The following ASTN2 variants were observed in gnomAD, a reference collection of about 807,000 sequenced individuals.
The protein encoded by ASTN2 is astrotactin 2.
Under a neutral mutation model 139.8 loss-of-function variants are expected in ASTN2, and 54 were observed. That is an observed-to-expected ratio of 0.39 (90% confidence interval 0.31 to 0.48). The LOEUF (loss-of-function observed/expected upper bound fraction) is 0.48. Ranked by LOEUF, ASTN2 falls within the 20% of genes least tolerant of loss-of-function variation. The probability of loss-of-function intolerance (pLI) is 0.95; values close to 1 mark genes in which losing one functional copy is unlikely to be tolerated. For synonymous variants in ASTN2, 756 were observed against 719.5 expected (o/e 1.05, Z -0.81); for missense variants, 1,565 against 1,725.1 (o/e 0.91, Z 1.64).
chr9:116,799,081 C>CG (rs906625118), intron 13 of ASTN2, among the ~76,000 whole-genome samples: 1 of 95,598 alleles, frequency 1.0e-5, no homozygotes, highest in African/African-American at 4.3e-5. Context: ...ATTAAAGGGG[C>CG]GGGGGGAGGG....
intron 1 of ASTN2, among the ~76,000 whole-genome samples, chr9:117,384,037 C>T (rs765996281): frequency 7.9e-5 from 12 of 152,330 alleles, no homozygotes; most frequent in Non-Finnish European, 1.6e-4. Context: ...ATCTTCATCT[C>T]GGCTCCTGGG....
chr9:116,891,956 T>A lies in ASTN2; in HGVS notation c.1890-28223A>T, dbSNP rs565162914. Among the ~76,000 whole-genome samples the A allele has an allele frequency of 2.0e-5, 3 of 152,320 alleles. No homozygotes were observed. The East Asian group carries it at 5.8e-4, about 29-fold the overall frequency. The stretch of plus-strand genomic sequence containing the variant: ...CTATTACCTACTATAACTGCTAAGA[T>A]GGAAAACCCTGTAGTGTTTAGCATA... On this transcript the variant is annotated intron_variant, in intron 10 of 22. Coordinates refer to ENST00000313400, the MANE Select transcript of ASTN2 (RefSeq NM_001365068.1).
At position 116,912,170 on chromosome 9, in the gene ASTN2, G is replaced by A. The variant is rs561672174; in HGVS notation, c.1890-48437C>T. On this transcript the variant is annotated intron_variant, in intron 10 of 22. Coordinates refer to ENST00000313400, the MANE Select transcript of ASTN2 (RefSeq NM_001365068.1). The stretch of plus-strand genomic sequence containing the variant: ...ACATGTGTCCTCCAGCTGCAAGGCA[G>A]CCTGGCACAGTGGAGAGAGATTGCT... 3.3e-5 allele frequency among the ~76,000 whole-genome samples: 5 copies of A among 152,368 alleles called. No homozygotes were observed. In the South Asian group the frequency reaches 1.0e-3, roughly 32 times the overall value.
At chr9:116,661,253 T>C (rs1347451437) in intron 16 of ASTN2, among the ~76,000 whole-genome samples, 2 of 152,168 alleles carry the variant, frequency 1.3e-5, no homozygotes, top group Admixed American at 6.6e-5. Context: ...CCTGCTGCCC[T>C]CTAGTGCCTA....
At chr9:116,475,389 C>G (rs1462651621) in intron 20 of ASTN2, among the ~76,000 whole-genome samples, 1 of 152,176 alleles carries the variant, frequency 6.6e-6, no homozygotes, top group African/African-American at 2.4e-5. Flanking sequence ...TGCCTCATCC[C>G]TAACAGCTCC....
intron 20 of ASTN2, among the ~76,000 whole-genome samples, chr9:116,467,533 C>T (rs994018008): frequency 1.4e-4 from 22 of 152,318 alleles, no homozygotes; most frequent in Non-Finnish European, 1.9e-4. Context: ...CCAAAGTGCT[C>T]GGATTACAGG....
chr9:116,707,285 C>CAAAAAA (rs766053427), intron 16 of ASTN2, among the ~76,000 whole-genome samples: 66 of 60,612 alleles, frequency 1.1e-3, no homozygotes, highest in African/African-American at 3.6e-3. Flanking sequence ...GCCCCCTGAC[C>CAAAAAA]AAAAAAAAAA....
chr9:116,730,915 A>T (rs1441744), intron 14 of ASTN2, among the ~76,000 whole-genome samples: 41 of 152,156 alleles, frequency 2.7e-4, no homozygotes, highest in African/African-American at 9.6e-4. Flanking sequence ...AGCTTCTCCA[A>T]TGGAATGGAT....
intron 4 of ASTN2, among the ~76,000 whole-genome samples, chr9:117,131,608 C>T (rs1159460735): frequency 6.6e-6 from 1 of 152,166 alleles, no homozygotes. Flanking sequence ...ACCATATTCT[C>T]TCTAAGGTTA....
chr9:117,223,619 T>C (rs944862143), intron 2 of ASTN2, among the ~76,000 whole-genome samples: 1 of 152,184 alleles, frequency 6.6e-6, no homozygotes, highest in Non-Finnish European at 1.5e-5. Flanking sequence ...CAGAAAGTTA[T>C]ACAAGATACC....
chr9:117,316,742 C>G (rs1828155932), intron 1 of ASTN2, among the ~76,000 whole-genome samples: 1 of 152,124 alleles, frequency 6.6e-6, no homozygotes, highest in East Asian at 1.9e-4. Flanking sequence ...CCATATGGGC[C>G]TCATAGGGAG....
chr9:116,848,759 T>C (rs1353679540), intron 11 of ASTN2, among the ~76,000 whole-genome samples: 1 of 152,314 alleles, frequency 6.6e-6, no homozygotes, highest in Admixed American at 6.5e-5. Flanking sequence ...GCAATTTCTC[T>C]CTGGCAGCAA....
intron 1 of ASTN2, among the ~76,000 whole-genome samples, chr9:117,387,868 TCAC>T (rs1398184811): frequency 6.6e-6 from 1 of 151,676 alleles, no homozygotes; most frequent in Admixed American, 6.6e-5. Context: ...ATGATCACCC[TCAC>T]CTGGTCTTTA....
intron 4 of ASTN2, among the ~76,000 whole-genome samples, chr9:117,100,224 T>A (rs1438429634): frequency 6.6e-6 from 1 of 152,216 alleles, no homozygotes; most frequent in Non-Finnish European, 1.5e-5. Context: ...CATAAAGGCT[T>A]TCCCTTCTGG....
At chr9:117,348,694 T>C (rs919171595) in intron 1 of ASTN2, among the ~76,000 whole-genome samples, 5 of 152,170 alleles carry the variant, frequency 3.3e-5, no homozygotes, top group African/African-American at 1.2e-4. Context: ...TTCTTTCAGC[T>C]CCTTTTTACT....
intron 5 of ASTN2, among the ~76,000 whole-genome samples, chr9:117,062,038 G>T (rs1251009632): frequency 6.6e-6 from 1 of 152,226 alleles, no homozygotes; most frequent in African/African-American, 2.4e-5. Context: ...CTGGTAAGTG[G>T]TGGAGCTGGG....
intron 5 of ASTN2, among the ~76,000 whole-genome samples, chr9:117,061,148 T>TC (rs1564407290): frequency 8.1e-6 from 1 of 123,284 alleles, no homozygotes; most frequent in Admixed American, 7.5e-5. Flanking sequence ...CTTTTATTTA[T>TC]TTATTTATTT....
Position 117,005,080 on chromosome 9 carries a change from A to ATTTTTTTTTTTTTT in ASTN2, c.1591+2998_1591+3011dup, listed in dbSNP as rs35759848. On this transcript the variant is annotated intron_variant, in intron 7 of 22. Transcript: ENST00000313400. ...AATTTGAGTTGTGGACCTGTAGTCGATTTTTTTTTTTTTTTTTTTTTTTTG... is the reference window on the plus strand; with the variant it reads ...AATTTGAGTTGTGGACCTGTAGTCGATTTTTTTTTTTTTTTTTTTTTTTTTTTTTTTTTTTTTTG... Among the ~76,000 whole-genome samples the ATTTTTTTTTTTTTT allele has an allele frequency of 5.4e-5, 4 of 74,666 alleles. 1 individual carries two copies. The highest frequency in any genetic ancestry group is 5.6e-5 in the African/African-American group (1 of 17,906). The allele number at this position is 74,666 out of a possible 152,430, so 49.0% of individuals were successfully genotyped here.
At chr9:116,594,826 T>A (rs1039301910) in intron 19 of ASTN2, among the ~76,000 whole-genome samples, 1 of 152,178 alleles carries the variant, frequency 6.6e-6, no homozygotes, top group South Asian at 2.1e-4. Flanking sequence ...AGTCTTCCCA[T>A]GATTTCTGTC....
Sources: allele counts gnomAD v4.1 joint callset (sites outside exome capture counted in the v4.1 genomes callset), GRCh38; gene constraint gnomAD v4.1.1; transcripts MANE v1.5; gene names NCBI Gene and HGNC (gene_info 2026-07-23, HGNC 2026-07-21).